Variants in SORL1 observed in about 807,000 individuals in gnomAD.
SORL1 encodes the protein sortilin-related receptor.
A neutral mutation model predicts 273.7 loss-of-function variants in SORL1; 127 were observed. The ratio of observed to expected loss-of-function variants is 0.46; its 90% CI spans 0.40 to 0.54. SORL1 has a LOEUF of 0.54. Among genes scored for constraint, SORL1 ranks in the 20% least tolerant of loss-of-function variants. The pLI is 0.00. For missense variants in SORL1, 2,494 were observed against 2,846.1 expected (o/e 0.88, Z 2.81); for synonymous variants, 1,031 against 1,067.4 (o/e 0.97, Z 0.66).
intron 21 of SORL1, among the ~76,000 whole-genome samples, chr11:121,562,676 G>T (rs1018042495): frequency 1.3e-5 from 2 of 152,132 alleles, no homozygotes; most frequent in Non-Finnish European, 2.9e-5. Context: ...CACCTCAAGA[G>T]TAGTGATTCC....
intron 14 of SORL1, 113 bp from the exon 15 acceptor site, chr11:121,549,843 ATGTT>A: frequency 1.3e-6 from 1 of 760,614 alleles, no homozygotes. Flanking sequence ...TTAAAGGGAC[ATGTT>A]AAATAACTTA....
At chr11:121,590,228 G>C (rs1863189384) in intron 30 of SORL1, 54 bp downstream of exon 30, 3 of 1,562,958 alleles carry the variant, frequency 1.9e-6, no homozygotes, top group Non-Finnish European at 2.6e-6. Flanking sequence ...CACCAGAATA[G>C]TTCCACCAGC....
intron 19 of SORL1, 48 bp from the exon 20 acceptor site, chr11:121,558,543 A>G (rs956187838): frequency 1.9e-6 from 3 of 1,602,560 alleles, no homozygotes; most frequent in Non-Finnish European, 2.6e-6. Context: ...TTGAGCTCCC[A>G]TTTCTCTAGT....
intron 29 of SORL1, 90 bp downstream of exon 29, chr11:121,589,480 G>A (rs1863175982): frequency 2.7e-6 from 4 of 1,506,856 alleles, no homozygotes; most frequent in Non-Finnish European, 3.7e-6. Context: ...CAACCCCACT[G>A]CAGACTTGGC....
At chr11:121,609,483 G>A (rs1478632502) in intron 38 of SORL1, 1 of 152,188 alleles carries the variant, frequency 6.6e-6, no homozygotes, top group East Asian at 1.9e-4. Flanking sequence ...CATGTACCTT[G>A]AATTCCGAAG....
intron 6 of SORL1, among the ~76,000 whole-genome samples, chr11:121,504,167 A>G (rs890201461): frequency 6.6e-6 from 1 of 152,102 alleles, no homozygotes; most frequent in Non-Finnish European, 1.5e-5. Context: ...TAATATCAGC[A>G]CTTTGGGAGG....
chr11:121,566,295 A>G lies in SORL1; in HGVS notation c.3050-645A>G, dbSNP rs551114894. On this transcript the variant is annotated intron_variant, in intron 21 of 47. Coordinates refer to ENST00000260197, the MANE Select transcript of SORL1 (RefSeq NM_003105.6). ...AAAAATTATTCGGAATTTTGAAGGC[A>G]ATGTTCAACTATATTATAGCCACTA... is the stretch of plus-strand genomic sequence containing the variant. Among the ~76,000 whole-genome samples, 17 of 152,224 alleles carry G rather than the reference A, an allele frequency of 1.1e-4. No individual in the cohort carries two copies. In the East Asian group the frequency reaches 2.9e-3, roughly 26 times the overall value.
intron 12 of SORL1, among the ~76,000 whole-genome samples, chr11:121,537,841 T>C (rs977201024): frequency 6.6e-6 from 1 of 152,200 alleles, no homozygotes; most frequent in Non-Finnish European, 1.5e-5. Context: ...TTTGTTCTGC[T>C]CCCTGGAGAT....
chr11:121,564,271 C>A (rs184569883), intron 21 of SORL1, among the ~76,000 whole-genome samples: 1 of 152,342 alleles, frequency 6.6e-6, no homozygotes, highest in Non-Finnish European at 1.5e-5. Flanking sequence ...ATTTTCCATT[C>A]TCTGGCTTCA....
intron 13 of SORL1, among the ~76,000 whole-genome samples, chr11:121,544,903 G>A (rs534965085): frequency 1.3e-5 from 2 of 152,204 alleles, no homozygotes; most frequent in Admixed American, 6.5e-5. Context: ...GCTCATCAAG[G>A]ATTCAGCTGT....
chr11:121,580,318 G>A (rs996437253), intron 25 of SORL1, among the ~76,000 whole-genome samples: 12 of 152,014 alleles, frequency 7.9e-5, no homozygotes, highest in African/African-American at 2.2e-4. Context: ...TTTTATATTT[G>A]CTGTCTCTTT....
chr11:121,455,854 G>A (rs764759980), intron 1 of SORL1, among the ~76,000 whole-genome samples: 10 of 152,202 alleles, frequency 6.6e-5, no homozygotes, highest in Non-Finnish European at 1.0e-4. Context: ...TTCACTGGGC[G>A]TGGTGGCAGA....
chr11:121,567,835 T>G (rs902805500), intron 22 of SORL1, among the ~76,000 whole-genome samples: 4 of 152,224 alleles, frequency 2.6e-5, no homozygotes, highest in African/African-American at 9.6e-5. Context: ...TGCCATGAAG[T>G]GCATGGATTG....
chr11:121,534,125 T>G (rs1221525782), intron 12 of SORL1, among the ~76,000 whole-genome samples: 1 of 152,248 alleles, frequency 6.6e-6, no homozygotes. Flanking sequence ...TTGTAGTGTT[T>G]GGTATACTGC....
chr11:121,474,461 T>G (rs1283017475), intron 2 of SORL1, among the ~76,000 whole-genome samples: 1 of 152,228 alleles, frequency 6.6e-6, no homozygotes, highest in Non-Finnish European at 1.5e-5. Context: ...GTTTCTCCCC[T>G]TTCTCTCCCT....
chr11:121,477,090 C>A (rs1861280820), intron 2 of SORL1, among the ~76,000 whole-genome samples: 1 of 152,080 alleles, frequency 6.6e-6, no homozygotes, highest in Non-Finnish European at 1.5e-5. Context: ...CTGCTCCTGG[C>A]CTCATTTTTC....
In SORL1 at chr11:121,627,690, G is replaced by A; in HGVS notation, c.6500G>A (p.Ser2167Asn). 1 of 1,614,208 alleles carries A rather than the reference G, an allele frequency of 6.2e-7. No individual in the cohort carries two copies. The change falls in exon 47 of 48, where the codon AGC (serine) becomes AAC (asparagine). Residue 2167 changes from serine to asparagine, a missense_variant. Ser to Asn is a conservative substitution (Grantham distance 46, BLOSUM62 1). This residue lies in a region of SORL1 where 1,609 missense variants were observed against 1,816.4 expected (regional missense o/e 0.89). Transcript: ENST00000260197. The surrounding 1 kb of genome is among the most constrained non-coding windows in gnomAD (Gnocchi z 4.9). ...TACACGAAGCACCGGAGGCTGCAGA[G>A]CAGCTTCACCGCCTTCGCCAACAGC... ...ILYTKHRRLQ[S>N]SFTAFANSHY...
At chr11:121,488,982 G>T (rs1466465338) in intron 4 of SORL1, among the ~76,000 whole-genome samples, 3 of 152,176 alleles carry the variant, frequency 2.0e-5, no homozygotes, top group South Asian at 2.1e-4. Flanking sequence ...CAGCGGAGGG[G>T]GAATTATTGT....
rs536218968 is a variant in SORL1 at position 121,586,102 on chromosome 11, A to C, written c.3707-120A>C. 163 of 731,974 alleles carry C rather than the reference A, an allele frequency of 2.2e-4. 1 individual carries two copies. Among genetic ancestry groups the C allele is most frequent in the Non-Finnish European group, 3.7e-4 (146 of 398,708 alleles). 45.3% of individuals were successfully genotyped at this position (731,974 alleles called of 1,614,324 possible). A position where few individuals can be genotyped will look rare whatever the true frequency, so the allele number is the denominator to read the frequency against. On this transcript the variant is annotated intron_variant, in intron 26 of 47. Coordinates refer to ENST00000260197, the MANE Select transcript of SORL1 (RefSeq NM_003105.6). ...GTGTGTATACATTTGTCATTTTGCT[A>C]GTTACAGCCAAATTGCCCTCCCCAG...
Sources: gnomAD v4.1 joint callset for allele counts (sites outside exome capture counted in the v4.1 genomes callset) on GRCh38, gnomAD v4.1.1 for gene constraint, gnomAD v4.1.1 regional missense constraint, Gnocchi (gnomAD v3.1) non-coding constraint, MANE v1.5 for transcripts, NCBI Gene and HGNC (gene_info 2026-07-23, HGNC 2026-07-21) for gene names.